The following PAIP2B variants were observed in gnomAD, a reference collection of about 807,000 sequenced individuals.
PAIP2B encodes the protein polyadenylate-binding protein-interacting protein 2B.
A neutral mutation model predicts 17.0 loss-of-function variants in PAIP2B; 13 were observed. That is an observed-to-expected ratio of 0.76 (90% CI 0.50 to 1.22). The LOEUF (loss-of-function observed/expected upper bound fraction) is 1.22. PAIP2B is among the 50% of genes most tolerant of loss of function. PAIP2B has a pLI of 0.00. For synonymous variants in PAIP2B, 43 were observed against 48.7 expected, an observed-to-expected ratio of 0.88 and a Z score of 0.48; for missense variants, 117 against 144.5, an observed-to-expected ratio of 0.81 and a Z score of 0.98.
chr2:71,196,622 T>A (rs1252502399), intron 2 of PAIP2B, among the ~76,000 whole-genome samples: 1 of 152,106 alleles, frequency 6.6e-6, no homozygotes, highest in African/African-American at 2.4e-5. Context: ...TCTCACATTA[T>A]TAATATTATG....
At chr2:71,219,667 T>C (rs1403617799) in intron 1 of PAIP2B, among the ~76,000 whole-genome samples, 1 of 152,216 alleles carries the variant, frequency 6.6e-6, no homozygotes, top group Non-Finnish European at 1.5e-5. Flanking sequence ...TATCTCGTTC[T>C]CATAATCCCA....
At chr2:71,199,544 T>C (rs1466878764) in intron 2 of PAIP2B, among the ~76,000 whole-genome samples, 1 of 151,804 alleles carries the variant, frequency 6.6e-6, no homozygotes, top group Non-Finnish European at 1.5e-5. Context: ...ACTTCTCCCT[T>C]TTTTTCCCCC....
intron 2 of PAIP2B, among the ~76,000 whole-genome samples, chr2:71,199,150 C>T (rs531912934): frequency 4.5e-4 from 69 of 152,042 alleles, no homozygotes; most frequent in African/African-American, 1.6e-3. Flanking sequence ...ATTTTGTTTT[C>T]CTTTTCTGAA....
chr2:71,212,952 T>TA (rs5832047), intron 1 of PAIP2B, among the ~76,000 whole-genome samples: 45,161 of 149,716 alleles, frequency 0.3, 7,499 homozygotes, highest in East Asian at 0.75. Context: ...GGGGTCTTGC[T>TA]TGTTGCCCAG....
At chr2:71,208,594 C>A (rs1033398322) in intron 1 of PAIP2B, among the ~76,000 whole-genome samples, 1 of 152,058 alleles carries the variant, frequency 6.6e-6, no homozygotes, top group Non-Finnish European at 1.5e-5. Flanking sequence ...GTAGCCCCCC[C>A]AAAAATATGT....
At chr2:71,190,397 C>G (rs1456537305) in intron 2 of PAIP2B, among the ~76,000 whole-genome samples, 1 of 152,054 alleles carries the variant, frequency 6.6e-6, no homozygotes, top group Non-Finnish European at 1.5e-5. Context: ...GCACTTCAGT[C>G]TGGGCGACAG....
chr2:71,225,812 T>A (rs1434127667), intron 1 of PAIP2B, among the ~76,000 whole-genome samples: 1 of 152,162 alleles, frequency 6.6e-6, no homozygotes, highest in Non-Finnish European at 1.5e-5. Flanking sequence ...ACCAAACGAA[T>A]ATACTATGAA....
In PAIP2B at chr2:71,224,341, T is replaced by C. The variant is rs1903070; in HGVS notation, c.-12+2587A>G. 0.052 allele frequency among the ~76,000 whole-genome samples: 7,981 copies of C among 152,292 alleles called. 976 individuals carry two copies. In the East Asian group the frequency reaches 0.56, roughly 11 times the overall value. ...TTGTAATCTGTGTGAGATATGTATA[T>C]ATGTATATATTTTCCCTGGGAACAA... On this transcript the variant is annotated intron_variant, in intron 1 of 3. Coordinates refer to ENST00000244221, the MANE Select transcript of PAIP2B (RefSeq NM_020459.1).
At chr2:71,220,148 C>A (rs1194839752) in intron 1 of PAIP2B, among the ~76,000 whole-genome samples, 1 of 152,196 alleles carries the variant, frequency 6.6e-6, no homozygotes, top group Non-Finnish European at 1.5e-5. Flanking sequence ...CCTACACACA[C>A]CAAATTCATT....
chr2:71,221,623 A>T (rs1446749181), intron 1 of PAIP2B, among the ~76,000 whole-genome samples: 1 of 152,220 alleles, frequency 6.6e-6, no homozygotes, highest in African/African-American at 2.4e-5. Flanking sequence ...TTTATTAATA[A>T]TTATCTATGA....
chr2:71,210,463 C>T (rs1252613774), intron 1 of PAIP2B, among the ~76,000 whole-genome samples: 1 of 152,186 alleles, frequency 6.6e-6, no homozygotes, highest in African/African-American at 2.4e-5. Context: ...CCTATATTGA[C>T]CTCAATGCAC....
At chr2:71,226,426 G>C (rs938449047) in intron 1 of PAIP2B, among the ~76,000 whole-genome samples, 1 of 152,216 alleles carries the variant, frequency 6.6e-6, no homozygotes, top group African/African-American at 2.4e-5. Context: ...TGGAGTCAAG[G>C]GGGAGATGGA....
At chr2:71,211,064 T>C (rs574626092) in intron 1 of PAIP2B, among the ~76,000 whole-genome samples, 14 of 152,218 alleles carry the variant, frequency 9.2e-5, no homozygotes, top group African/African-American at 3.4e-4. Flanking sequence ...CTGGCCAACA[T>C]GGTGAAACCC....
chr2:71,220,496 A>C (rs1216174960), intron 1 of PAIP2B, among the ~76,000 whole-genome samples: 1 of 150,152 alleles, frequency 6.7e-6, no homozygotes, highest in African/African-American at 2.4e-5. Flanking sequence ...GCTCCTTGCC[A>C]ATCAATTATT....
chr2:71,220,300 C>T (rs1675549599), intron 1 of PAIP2B, among the ~76,000 whole-genome samples: 1 of 152,176 alleles, frequency 6.6e-6, no homozygotes, highest in African/African-American at 2.4e-5. Flanking sequence ...AGCAAATGTA[C>T]TCTTTGGGGA....
intron 1 of PAIP2B, among the ~76,000 whole-genome samples, chr2:71,210,521 A>G (rs80106341): frequency 0.015 from 2,217 of 152,332 alleles, 48 homozygotes; most frequent in African/African-American, 0.05. Context: ...CAGTGCTTGC[A>G]AATATAACGT....
Position 71,184,189 on chromosome 2 carries a change from G to A in PAIP2B, c.*4290C>T, listed in dbSNP as rs947395721. Reference sequence around the variant, plus strand: ...AAGTAGCCAATAGGAAGGTAAGATTGGGGAGAAAGCTCAGTAAATGTCACA... The same window carrying A: ...AAGTAGCCAATAGGAAGGTAAGATTAGGGAGAAAGCTCAGTAAATGTCACA... On this transcript the variant is annotated 3_prime_UTR_variant, in exon 4 of 4. Transcript: ENST00000244221. 1.3e-5 allele frequency: 2 copies of A among 152,132 alleles called. No individual in the cohort carries two copies. The highest frequency in any genetic ancestry group is 4.8e-5 in the African/African-American group (2 of 41,426). The allele number at this position is 152,132 out of a possible 1,614,324, so 9.4% of individuals were successfully genotyped here. A position where few individuals can be genotyped will look rare whatever the true frequency, so the allele number is the denominator to read the frequency against.
intron 1 of PAIP2B, among the ~76,000 whole-genome samples, chr2:71,224,784 CTCAAGG>C (rs893590204): frequency 2.6e-5 from 4 of 152,152 alleles, no homozygotes; most frequent in African/African-American, 9.7e-5. Flanking sequence ...CTGTGAGCTC[CTCAAGG>C]TCTCTAAGAA....
chr2:71,201,008 GGTGTGTGT>G (rs70959217), intron 2 of PAIP2B, among the ~76,000 whole-genome samples: 1,112 of 32,354 alleles, frequency 0.034, 18 homozygotes, highest in African/African-American at 0.068. Flanking sequence ...TGTGTGTGTG[GGTGTGTGT>G]GTGTGTGTGT....
Sources: gnomAD v4.1 joint callset for allele counts (sites outside exome capture counted in the v4.1 genomes callset) on GRCh38, gnomAD v4.1.1 for gene constraint, MANE v1.5 for transcripts, NCBI Gene and HGNC (gene_info 2026-07-23, HGNC 2026-07-21) for gene names.